TOP1: variants seen among roughly 807,000 people sequenced by gnomAD.
The protein encoded by TOP1 is DNA topoisomerase I, also known as DNA topoisomerase 1.
A neutral mutation model predicts 111.1 loss-of-function variants in TOP1; 10 were observed. The observed-to-expected ratio is 0.09, with a 90% CI of 0.06 to 0.15. The LOEUF is 0.15. Ranked by LOEUF, TOP1 falls within the 10% of genes least tolerant of loss-of-function variation. TOP1 has a pLI of 1.00. For synonymous variants in TOP1, 271 were observed against 302.9 expected (o/e 0.89, Z 1.10); for missense variants, 474 against 926.7 (o/e 0.51, Z 6.34).
intron 7 of TOP1, 42 bp from the exon 8 acceptor site, chr20:41,084,420 T>C: frequency 7.8e-7 from 1 of 1,278,298 alleles, no homozygotes; most frequent in Non-Finnish European, 1.1e-6. Context: ...AGAAGTGTGA[T>C]CAGTCTTTAT....
chr20:41,038,625 T>A lies in TOP1; in HGVS notation c.58+9170T>A, dbSNP rs183082115. On this transcript the variant is annotated intron_variant, in intron 2 of 20. Transcript: ENST00000361337. ...TGCTTTGACTTTGCGGCAACTTCAG[T>A]TGTCCAGTGACAAGGCTTGCTGCAT... Among the ~76,000 whole-genome samples, 32 of 152,278 alleles carry A rather than the reference T, an allele frequency of 2.1e-4. 3 individuals are homozygous for A. Among genetic ancestry groups the A allele is most frequent in the African/African-American group, 7.2e-4 (30 of 41,558 alleles).
At position 41,046,006 on chromosome 20, in the gene TOP1, C is replaced by T. The variant is rs1055177880; in HGVS notation, c.59-15388C>T. Among the ~76,000 whole-genome samples, 1 of 152,290 alleles carries T rather than the reference C, an allele frequency of 6.6e-6. No homozygotes were observed. The highest frequency in any genetic ancestry group is 6.5e-5 in the Admixed American group (1 of 15,300). ...CTTTGACCACTATGAGGACCACTGT[C>T]ATATAAGGTCTTAGATACCAACTTG... On this transcript the variant is annotated intron_variant, in intron 2 of 20. Coordinates refer to ENST00000361337, the MANE Select transcript of TOP1 (RefSeq NM_003286.4). This position sits in a 1 kb window ranked among gnomAD's most constrained non-coding sequence, Gnocchi z 4.3.
chr20:41,091,621 A>G (rs1321569915), intron 8 of TOP1, among the ~76,000 whole-genome samples: 2 of 146,308 alleles, frequency 1.4e-5, no homozygotes, highest in Admixed American at 1.4e-4. Context: ...CAGTGGCACA[A>G]TCTTGGCTCA....
At chr20:41,099,013 T>C (rs1276984229) in intron 11 of TOP1, among the ~76,000 whole-genome samples, 2 of 152,300 alleles carry the variant, frequency 1.3e-5, no homozygotes, top group East Asian at 3.9e-4. Flanking sequence ...TGTCAGCCCC[T>C]GAACTAAAGG....
Position 41,029,364 on chromosome 20 carries a change from G to T in TOP1, c.34-67G>T. ...GCGCAGGGTGAGCCAGACCCCGGCC[G>T]CGCGCGCTCGCCGCCGGAGGGGTTA... On this transcript the variant is annotated intron_variant, in intron 1 of 20. Coordinates refer to ENST00000361337, the MANE Select transcript of TOP1 (RefSeq NM_003286.4). This position sits in a 1 kb window ranked among gnomAD's most constrained non-coding sequence, Gnocchi z 6.1. 7.2e-7 allele frequency: 1 copy of T among 1,398,328 alleles called. No individual in the cohort carries two copies. 86.6% of individuals were successfully genotyped at this position (1,398,328 alleles called of 1,614,324 possible). A position where few individuals can be genotyped will look rare whatever the true frequency, so the allele number is the denominator to read the frequency against.
chr20:41,092,640 A>G lies in TOP1; in HGVS notation c.730+53A>G. The G allele has an allele frequency of 1.2e-6, 1 of 846,284 alleles. No individual in the cohort carries two copies. Among genetic ancestry groups the G allele is most frequent in the Non-Finnish European group, 1.9e-6 (1 of 530,808 alleles). 52.4% of individuals were successfully genotyped at this position (846,284 alleles called of 1,614,324 possible). On this transcript the variant is annotated intron_variant, in intron 9 of 20. Transcript: ENST00000361337. The surrounding 1 kb of genome is among the most constrained non-coding windows in gnomAD (Gnocchi z 4.3). The stretch of plus-strand genomic sequence containing the variant: ...TGGCCAGGAAAAGAAATCTGCTTCT[A>G]TTTAGGGATAGAAAACAAGGAAGGA...
chr20:41,039,418 G>A (rs915471186), intron 2 of TOP1, among the ~76,000 whole-genome samples: 3 of 151,954 alleles, frequency 2.0e-5, no homozygotes, highest in Admixed American at 2.0e-4. Flanking sequence ...TAAAGAAATT[G>A]GAGACCTAGG....
intron 3 of TOP1, among the ~76,000 whole-genome samples, chr20:41,066,059 A>G (rs1367001505): frequency 6.6e-6 from 1 of 152,232 alleles, no homozygotes; most frequent in African/African-American, 2.4e-5. Flanking sequence ...TGATTTTTAT[A>G]TTACTAGGCT....
In TOP1 at chr20:41,121,959, T is replaced by G; in HGVS notation, c.2046-47T>G. ...TGGCAGGATGGGTACAGTGTGCTCTTGTCTAGAGCCCAGGCCTGGTTCTTG... is the reference window on the plus strand; with the variant it reads ...TGGCAGGATGGGTACAGTGTGCTCTGGTCTAGAGCCCAGGCCTGGTTCTTG... On this transcript the variant is annotated intron_variant, in intron 19 of 20. Coordinates refer to ENST00000361337, the MANE Select transcript of TOP1 (RefSeq NM_003286.4). This position sits in a 1 kb window ranked among gnomAD's most constrained non-coding sequence, Gnocchi z 4.2. 6.2e-7 allele frequency: 1 copy of G among 1,607,810 alleles called. No individual in the cohort carries two copies. The highest frequency in any genetic ancestry group is 8.5e-7 in the Non-Finnish European group (1 of 1,176,522).
chr20:41,113,952 T>C lies in TOP1; in HGVS notation c.1453-18T>C. 2.5e-6 allele frequency: 4 copies of C among 1,605,740 alleles called. No individual in the cohort carries two copies. The highest frequency in any genetic ancestry group is 3.4e-6 in the Non-Finnish European group (4 of 1,174,382). ...GTCTCTTCCATTCATGCTCATCTTTTCTTTCTTTCCTGGGCAGCTTGCTCT... is the reference window on the plus strand; with the variant it reads ...GTCTCTTCCATTCATGCTCATCTTTCCTTTCTTTCCTGGGCAGCTTGCTCT... On this transcript the variant is annotated intron_variant, in intron 14 of 20. Coordinates refer to ENST00000361337, the MANE Select transcript of TOP1 (RefSeq NM_003286.4).
intron 2 of TOP1, among the ~76,000 whole-genome samples, chr20:41,048,357 G>A (rs542409739): frequency 3.9e-5 from 6 of 152,282 alleles, no homozygotes; most frequent in Non-Finnish European, 7.4e-5. Context: ...ATGATTCCAA[G>A]TACCAGGGCT....
In TOP1 at chr20:41,098,232, G is replaced by A; in HGVS notation, c.870G>A (p.Glu290=). The change falls in exon 11 of 21, where the codon GAG becomes GAA. Residue 290 remains glutamate (E), a synonymous_variant. Transcript: ENST00000361337. The surrounding 1 kb of genome is among the most constrained non-coding windows in gnomAD (Gnocchi z 5.7). ...KDWRKEMTNE[E]KNIITNLSKC... ...TTGACTAGGAAATGACTAATGAAGAGAAGAATATTATCACCAACCTAAGCA... is the reference window on the plus strand; with the variant it reads ...TTGACTAGGAAATGACTAATGAAGAAAAGAATATTATCACCAACCTAAGCA... 1 of 1,613,840 alleles carries A rather than the reference G, an allele frequency of 6.2e-7. No individual in the cohort carries two copies. Among genetic ancestry groups the A allele is most frequent in the South Asian group, 1.1e-5 (1 of 91,064 alleles).
At position 41,116,118 on chromosome 20, in the gene TOP1, C is replaced by T. The variant is rs80033519; in HGVS notation, c.1708-160C>T. 4.9e-3 allele frequency among the ~76,000 whole-genome samples: 747 copies of T among 152,272 alleles called. 2 individuals carry two copies. The highest frequency in any genetic ancestry group is 6.6e-3 in the Non-Finnish European group (449 of 68,024). On this transcript the variant is annotated intron_variant, in intron 16 of 20. Transcript: ENST00000361337. This position sits in a 1 kb window ranked among gnomAD's most constrained non-coding sequence, Gnocchi z 5.6. ...TACTTCATAGAGAGGCATCATGTAA[C>T]CCTGTATTCTGGAATTCTTTTCCTC...
chr20:41,101,852 C>G lies in TOP1; in HGVS notation c.1308+499C>G, dbSNP rs2145953642. 6.6e-6 allele frequency among the ~76,000 whole-genome samples: 1 copy of G among 152,312 alleles called. No homozygotes were observed. Among genetic ancestry groups the G allele is most frequent in the Admixed American group, 6.5e-5 (1 of 15,302 alleles). ...CTGCAGTCTCATCTGGGTAGGTTCA[C>G]CAGGGCCAAATGAAATGTGTGTGAA... On this transcript the variant is annotated intron_variant, in intron 13 of 20. Transcript: ENST00000361337. The surrounding 1 kb of genome is among the most constrained non-coding windows in gnomAD (Gnocchi z 4.1).
Position 41,029,857 on chromosome 20 carries a change from A to G in TOP1, c.58+402A>G, listed in dbSNP as rs1446673181. ...CGGCTCTTTCCTTGAGCTGCCCAGAATGAGCTTTCTGCAGAGCAAAGCCGT... is the reference window on the plus strand; with the variant it reads ...CGGCTCTTTCCTTGAGCTGCCCAGAGTGAGCTTTCTGCAGAGCAAAGCCGT... On this transcript the variant is annotated intron_variant, in intron 2 of 20. Transcript: ENST00000361337. This position sits in a 1 kb window ranked among gnomAD's most constrained non-coding sequence, Gnocchi z 6.1. 4.0e-6 allele frequency: 1 copy of G among 249,238 alleles called. No individual in the cohort carries two copies. The highest frequency in any genetic ancestry group is 8.0e-6 in the Non-Finnish European group (1 of 124,486). The allele number at this position is 249,238 out of a possible 1,614,324, so 15.4% of individuals were successfully genotyped here. A position where few individuals can be genotyped will look rare whatever the true frequency, so the allele number is the denominator to read the frequency against.
intron 13 of TOP1, among the ~76,000 whole-genome samples, chr20:41,107,032 T>C (rs899748989): frequency 6.6e-6 from 1 of 152,200 alleles, no homozygotes; most frequent in Non-Finnish European, 1.5e-5. Flanking sequence ...GTTTCTTGTC[T>C]TGTTGAAATA....
intron 8 of TOP1, among the ~76,000 whole-genome samples, chr20:41,090,924 G>GCTCTTATATTTAGGTCTTTGATC (rs2033912861): frequency 6.6e-6 from 1 of 152,006 alleles, no homozygotes; most frequent in South Asian, 2.1e-4. Context: ...TTATATTTTT[G>GCTCTTATATTTAGGTCTTTGATC]CTCTTATATT....
Position 41,029,216 on chromosome 20 carries a change from G to A in TOP1, c.33+116G>A. 4 of 882,906 alleles carry A rather than the reference G, an allele frequency of 4.5e-6. No individual in the cohort carries two copies. Among genetic ancestry groups the A allele is most frequent in the Non-Finnish European group, 6.3e-6 (4 of 636,536 alleles). 54.7% of individuals were successfully genotyped at this position (882,906 alleles called of 1,614,324 possible). ...CAGCTTTGACAGGCCGGAGCCCCCGGTGAGGGGCCGCCTGCCGGAGTAGAT... is the reference window on the plus strand; with the variant it reads ...CAGCTTTGACAGGCCGGAGCCCCCGATGAGGGGCCGCCTGCCGGAGTAGAT... On this transcript the variant is annotated intron_variant, in intron 1 of 20. Coordinates refer to ENST00000361337, the MANE Select transcript of TOP1 (RefSeq NM_003286.4). This position sits in a 1 kb window ranked among gnomAD's most constrained non-coding sequence, Gnocchi z 6.1.
intron 14 of TOP1, among the ~76,000 whole-genome samples, chr20:41,113,683 A>G (rs188344450): frequency 5.4e-4 from 82 of 151,268 alleles, no homozygotes; most frequent in Middle Eastern, 6.8e-3. Context: ...CATCCTGGCC[A>G]ATGTGGTGAA....
Sources: gnomAD v4.1 joint callset for allele counts (sites outside exome capture counted in the v4.1 genomes callset) on GRCh38, gnomAD v4.1.1 for gene constraint, Gnocchi (gnomAD v3.1) non-coding constraint, MANE v1.5 for transcripts, NCBI Gene and HGNC (gene_info 2026-07-23, HGNC 2026-07-21) for gene names.